TRAPPC11: variants seen among roughly 807,000 people sequenced by gnomAD.
The protein encoded by TRAPPC11 is trafficking protein particle complex subunit 11, also known as foie gras homolog.
A neutral mutation model predicts 151.2 loss-of-function variants in TRAPPC11; 104 were observed. The observed-to-expected ratio is 0.69, with a 90% CI of 0.59 to 0.81. The LOEUF (loss-of-function observed/expected upper bound fraction) is 0.81. Ranked by LOEUF, TRAPPC11 falls within the 30% of genes least tolerant of loss-of-function variation. TRAPPC11 has a pLI of 0.00. For missense variants in TRAPPC11, 1,230 were observed against 1,349.6 expected, an observed-to-expected ratio of 0.91 and a Z score of 1.39; for synonymous variants, 456 against 472.3, an observed-to-expected ratio of 0.97 and a Z score of 0.45.
At chr4:183,708,788 T>C (rs530495534) in intron 29 of TRAPPC11, among the ~76,000 whole-genome samples, 1 of 152,336 alleles carries the variant, frequency 6.6e-6, no homozygotes, top group South Asian at 2.1e-4. Flanking sequence ...AATAATGATT[T>C]ATCTTTATAA....
At position 183,679,364 on chromosome 4, in the gene TRAPPC11, G is replaced by A; in HGVS notation, c.843G>A (p.Leu281=). ...AGFINYKICR[L]CFQHNTPLDA... is the part of the protein sequence containing the mutation. Reference sequence around the variant, plus strand: ...TTTACATTTTGCAGATCTGTAGGCTGTGTTTTCAACACAACACCCCATTGG... The same window carrying A: ...TTTACATTTTGCAGATCTGTAGGCTATGTTTTCAACACAACACCCCATTGG... The change falls in exon 9 of 30, where the codon CTG becomes CTA. Residue 281 remains leucine (L), a synonymous_variant. Coordinates refer to ENST00000334690, the MANE Select transcript of TRAPPC11 (RefSeq NM_021942.6). 2 of 1,607,480 alleles carry A rather than the reference G, an allele frequency of 1.2e-6. No individual in the cohort carries two copies. Among genetic ancestry groups the A allele is most frequent in the Non-Finnish European group, 1.7e-6 (2 of 1,177,508 alleles).
At chr4:183,677,702 G>A (rs1166713814) in intron 8 of TRAPPC11, 148 bp downstream of exon 8, 1 of 594,314 alleles carries the variant, frequency 1.7e-6, no homozygotes, top group Non-Finnish European at 3.0e-6. Context: ...TTTCTCAGAA[G>A]GGCATCGATT....
At chr4:183,710,206 C>T (rs1349956132) in intron 29 of TRAPPC11, among the ~76,000 whole-genome samples, 1 of 152,096 alleles carries the variant, frequency 6.6e-6, no homozygotes, top group Non-Finnish European at 1.5e-5. Context: ...CCAGCTAATG[C>T]TTGTTCAGTC....
chr4:183,671,103 T>G (rs899832930), intron 5 of TRAPPC11, among the ~76,000 whole-genome samples: 1 of 152,170 alleles, frequency 6.6e-6, no homozygotes, highest in African/African-American at 2.4e-5. Context: ...TGACCTTAGG[T>G]GATCCGCCCA....
intron 2 of TRAPPC11, among the ~76,000 whole-genome samples, chr4:183,664,648 T>C (rs755250503): frequency 2.0e-5 from 3 of 152,164 alleles, no homozygotes; most frequent in African/African-American, 4.8e-5. Flanking sequence ...ATAATAATTA[T>C]TATCATGATG....
At chr4:183,672,987 G>T (rs552099215) in intron 5 of TRAPPC11, among the ~76,000 whole-genome samples, 173 of 142,192 alleles carry the variant, frequency 1.2e-3, no homozygotes, top group African/African-American at 4.5e-3. Context: ...TTTTGAGATG[G>T]AGTCTCGCTC....
At position 183,693,676 on chromosome 4, in the gene TRAPPC11, T is replaced by C; in HGVS notation, c.2325T>C (p.Thr775=). ...ATGAAATGTATTGTTTGGTTGTGACTGTTCAGTCCCATGAAAAGACCCAAA... is the reference window on the plus strand; with the variant it reads ...ATGAAATGTATTGTTTGGTTGTGACCGTTCAGTCCCATGAAAAGACCCAAA... ...LTNEMYCLVV[T]VQSHEKTQIR... The change falls in exon 21 of 30, where the codon ACT becomes ACC. Residue 775 remains threonine, a synonymous_variant. Transcript: ENST00000334690. The C allele has an allele frequency of 1.2e-6, 2 of 1,614,190 alleles. No individual in the cohort carries two copies. The highest frequency in any genetic ancestry group is 8.5e-7 in the Non-Finnish European group (1 of 1,180,034).
At chr4:183,700,108 A>G (rs4467621) in intron 25 of TRAPPC11, among the ~76,000 whole-genome samples, 43,187 of 152,040 alleles carry the variant, frequency 0.28, 6,934 homozygotes, top group African/African-American at 0.44. Context: ...CACCACGCCC[A>G]GCCAATGTTA....
At chr4:183,702,216 C>T (rs902322443) in intron 26 of TRAPPC11, among the ~76,000 whole-genome samples, 5 of 151,964 alleles carry the variant, frequency 3.3e-5, no homozygotes, top group Non-Finnish European at 2.9e-5. Context: ...TGTTGATGCA[C>T]ATCTGCAGTC....
At chr4:183,684,541 A>G (rs1735864845) in intron 14 of TRAPPC11, among the ~76,000 whole-genome samples, 155 bp from the exon 15 acceptor site, 1 of 152,160 alleles carries the variant, frequency 6.6e-6, no homozygotes, top group African/African-American at 2.4e-5. Flanking sequence ...GTTTTAAGAA[A>G]TCTCACGTTT....
At chr4:183,685,891 T>G (rs1735938550) in intron 17 of TRAPPC11, among the ~76,000 whole-genome samples, 1 of 152,212 alleles carries the variant, frequency 6.6e-6, no homozygotes, top group African/African-American at 2.4e-5. Flanking sequence ...TGGAGTGCAG[T>G]GGCATGATCT....
chr4:183,680,884 G>A (rs1735652582), intron 10 of TRAPPC11, among the ~76,000 whole-genome samples: 1 of 151,716 alleles, frequency 6.6e-6, no homozygotes, highest in African/African-American at 2.4e-5. Context: ...GTAGAGATGG[G>A]GTTTCGCCAC....
intron 29 of TRAPPC11, among the ~76,000 whole-genome samples, chr4:183,709,816 T>C (rs1737252436): frequency 6.6e-6 from 1 of 152,138 alleles, no homozygotes; most frequent in South Asian, 2.1e-4. Context: ...CTCATAATTT[T>C]GGATATCCTT....
chr4:183,708,494 C>A lies in TRAPPC11; in HGVS notation c.3277C>A (p.Leu1093Ile). The A allele has an allele frequency of 6.2e-7, 1 of 1,614,146 alleles. No individual in the cohort carries two copies. Among genetic ancestry groups the A allele is most frequent in the South Asian group, 1.1e-5 (1 of 91,088 alleles). The change falls in exon 29 of 30, where the codon CTC (leucine) becomes ATC (isoleucine). Residue 1093 changes from leucine to isoleucine, a missense_variant. Coordinates refer to ENST00000334690, the MANE Select transcript of TRAPPC11 (RefSeq NM_021942.6). The stretch of plus-strand genomic sequence containing the variant: ...GGCTGGATACCAGCAGCTGCCATCT[C>A]TCAACATCAACTTGCTTAGATTTCC... ...LMAGYQQLPS[L>I]NINLLRFPNF...
Position 183,684,941 on chromosome 4 carries a change from G to C in TRAPPC11, c.1567+100G>C, listed in dbSNP as rs539305521. 8.4e-4 allele frequency: 1,114 copies of C among 1,318,872 alleles called. 2 individuals carry two copies. Among genetic ancestry groups the C allele is most frequent in the Middle Eastern group, 4.4e-3 (18 of 4,050 alleles). The allele number at this position is 1,318,872 out of a possible 1,614,324, so 81.7% of individuals were successfully genotyped here. A position where few individuals can be genotyped will look rare whatever the true frequency, so the allele number is the denominator to read the frequency against. On this transcript the variant is annotated intron_variant, in intron 15 of 29. Transcript: ENST00000334690. ...AGAATAATTTAGTCCCAGATAATTA[G>C]TATACTTTACTATGTGCAAATCACT... is the stretch of plus-strand genomic sequence containing the variant.
At chr4:183,705,712 T>C (rs1737021591) in intron 27 of TRAPPC11, among the ~76,000 whole-genome samples, 1 of 152,238 alleles carries the variant, frequency 6.6e-6, no homozygotes, top group Non-Finnish European at 1.5e-5. Flanking sequence ...TGTTTTTAAA[T>C]GTTTCTCTGT....
At position 183,706,338 on chromosome 4, in the gene TRAPPC11, A is replaced by G. The variant is rs1282679046; in HGVS notation, c.3056-469A>G. Among the ~76,000 whole-genome samples the G allele has an allele frequency of 2.6e-5, 4 of 152,130 alleles. No homozygotes were observed. The East Asian group carries it at 7.7e-4, about 29-fold the overall frequency. ...GGAGATCGAGACCATCCTGGCTAAC[A>G]CGGTGAAACCCCGTCTCTATTAAAA... is the stretch of plus-strand genomic sequence containing the variant. On this transcript the variant is annotated intron_variant, in intron 27 of 29. Transcript: ENST00000334690.
chr4:183,665,208 C>T (rs1207636286), intron 2 of TRAPPC11, among the ~76,000 whole-genome samples: 4 of 149,136 alleles, frequency 2.7e-5, no homozygotes, highest in Non-Finnish European at 5.9e-5. Context: ...CATTCTCCTG[C>T]TTCAGCCTCC....
intron 11 of TRAPPC11, 32 bp downstream of exon 11, chr4:183,682,857 C>A: frequency 6.8e-7 from 1 of 1,465,710 alleles, no homozygotes; most frequent in Non-Finnish European, 9.6e-7. Flanking sequence ...CCTTTCCTCT[C>A]AACCTCAAAA....
Sources: gnomAD v4.1 joint callset for allele counts (sites outside exome capture counted in the v4.1 genomes callset) on GRCh38, gnomAD v4.1.1 for gene constraint, MANE v1.5 for transcripts, NCBI Gene and HGNC (gene_info 2026-07-23, HGNC 2026-07-21) for gene names.